Variants in PLPP1 observed in about 807,000 individuals in gnomAD.
PLPP1 encodes the protein lipid phosphate phosphohydrolase 1a.
In PLPP1, 24 loss-of-function variants were observed where a neutral mutation model predicts 31.2. That is an observed-to-expected ratio of 0.77 (90% CI 0.56 to 1.08). The LOEUF (loss-of-function observed/expected upper bound fraction) is 1.08, where lower values mean the gene tolerates loss of function less well. Ranked by LOEUF, PLPP1 falls within the 50% of genes least tolerant of loss-of-function variation. The pLI is 0.00. For missense variants in PLPP1, 319 were observed against 342.7 expected, an observed-to-expected ratio of 0.93 and a Z score of 0.55; for synonymous variants, 146 against 126.3, an observed-to-expected ratio of 1.16 and a Z score of -1.05.
intron 1 of PLPP1, among the ~76,000 whole-genome samples, chr5:55,489,344 T>C (rs1272753021): frequency 6.6e-5 from 10 of 152,196 alleles, no homozygotes. Context: ...TACTTAGTAC[T>C]TCATATAGTA....
At position 55,475,413 on chromosome 5, in the gene PLPP1, G is replaced by T; in HGVS notation, c.96C>A (p.Thr32=). 1 of 1,610,414 alleles carries T rather than the reference G, an allele frequency of 6.2e-7. No homozygotes were observed. The highest frequency in any genetic ancestry group is 8.5e-7 in the Non-Finnish European group (1 of 1,178,744). Residue 32 remains threonine (T), a synonymous_variant, in exon 2 of 6, where the codon ACC becomes ACA. Transcript: ENST00000307259. ...TACAGAATACTCCTCGTTGGAAGGGGGTATGCCTTGAAGTAAGAATTGCAA... is the reference window on the plus strand; with the variant it reads ...TACAGAATACTCCTCGTTGGAAGGGTGTATGCCTTGAAGTAAGAATTGCAA... ...LPFAILTSRH[T]PFQRGVFCND...
intron 1 of PLPP1, among the ~76,000 whole-genome samples, chr5:55,485,360 C>T (rs1021086194): frequency 1.4e-5 from 2 of 138,194 alleles, no homozygotes; most frequent in Non-Finnish European, 3.2e-5. Flanking sequence ...CTCAGGTTAA[C>T]GGACAACCAA....
At chr5:55,482,773 G>T (rs765975806) in intron 1 of PLPP1, among the ~76,000 whole-genome samples, 2 of 152,090 alleles carry the variant, frequency 1.3e-5, no homozygotes, top group Non-Finnish European at 2.9e-5. Flanking sequence ...TACTTATATA[G>T]TACTTTACAC....
chr5:55,508,880 A>G (rs1017177793), intron 1 of PLPP1: 9 of 154,192 alleles, frequency 5.8e-5, no homozygotes, highest in African/African-American at 2.2e-4. Context: ...AAACGTTCTA[A>G]ATAAAGTGGG....
chr5:55,474,248 C>G (rs1752489242), intron 2 of PLPP1, among the ~76,000 whole-genome samples: 1 of 150,788 alleles, frequency 6.6e-6, no homozygotes, highest in Non-Finnish European at 1.5e-5. Context: ...CTGCCTGCCT[C>G]GGCCTCCCAA....
intron 3 of PLPP1, among the ~76,000 whole-genome samples, chr5:55,463,215 T>C (rs1350985473): frequency 1.3e-5 from 2 of 151,746 alleles, no homozygotes; most frequent in Non-Finnish European, 2.9e-5. Context: ...GGGAGAGCAT[T>C]AGGACAAACA....
intron 4 of PLPP1, among the ~76,000 whole-genome samples, chr5:55,435,046 G>A (rs765959143): frequency 1.3e-5 from 2 of 152,058 alleles, no homozygotes; most frequent in Admixed American, 6.6e-5. Context: ...TCAACTCAAC[G>A]GTAGAAAACC....
At chr5:55,461,042 A>G (rs1193771891) in intron 3 of PLPP1, among the ~76,000 whole-genome samples, 1 of 152,050 alleles carries the variant, frequency 6.6e-6, no homozygotes, top group Non-Finnish European at 1.5e-5. Flanking sequence ...CAACAACAAC[A>G]AAAATTAGCT....
At chr5:55,448,557 C>T (rs1375294102) in intron 3 of PLPP1, among the ~76,000 whole-genome samples, 6 of 150,868 alleles carry the variant, frequency 4.0e-5, no homozygotes, top group African/African-American at 1.5e-4. Context: ...AAGCGATTCT[C>T]CTGCCTCAGC....
intron 3 of PLPP1, among the ~76,000 whole-genome samples, chr5:55,463,994 T>C (rs1052828258): frequency 2.0e-5 from 3 of 151,410 alleles, no homozygotes; most frequent in Admixed American, 2.0e-4. Flanking sequence ...AAAATGACAA[T>C]AGCTGAATGG....
At chr5:55,430,088 CATGCACCACCTAT>C (rs1045485393) in intron 4 of PLPP1, among the ~76,000 whole-genome samples, 1 of 152,142 alleles carries the variant, frequency 6.6e-6, no homozygotes, top group African/African-American at 2.4e-5. Context: ...CCACCACCCA[CATGCACCACCTAT>C]GGGCCTGGGG....
chr5:55,425,117 C>T lies in PLPP1; in HGVS notation c.*89G>A, dbSNP rs576680230. On this transcript the variant is annotated 3_prime_UTR_variant, in exon 6 of 6. Transcript: ENST00000307259. ...CAGCAGAAGTCTTTAAAGGCTTGTA[C>T]ACCAGGAAGAAAGATGCATCCTCTT... is the stretch of plus-strand genomic sequence containing the variant. The T allele has an allele frequency of 5.4e-6, 8 of 1,483,508 alleles. No individual in the cohort carries two copies. The African/African-American group carries it at 7.0e-5, about 13-fold the overall frequency. The allele number at this position is 1,483,508 out of a possible 1,614,324, so 91.9% of individuals were successfully genotyped here.
At chr5:55,515,247 G>A (rs189023112) in intron 1 of PLPP1, among the ~76,000 whole-genome samples, 2 of 152,070 alleles carry the variant, frequency 1.3e-5, no homozygotes, top group East Asian at 3.9e-4. Flanking sequence ...TTCTAAAAAT[G>A]ACATTTCTCC....
intron 1 of PLPP1, among the ~76,000 whole-genome samples, chr5:55,479,469 C>G (rs1236324881): frequency 6.6e-6 from 1 of 152,234 alleles, no homozygotes; most frequent in Non-Finnish European, 1.5e-5. Flanking sequence ...TCAAAAAGAA[C>G]AGCTCTTTCA....
At chr5:55,491,015 C>T in intron 1 of PLPP1, 1 of 1,613,646 alleles carries the variant, frequency 6.2e-7, no homozygotes, top group South Asian at 1.1e-5. Flanking sequence ...TGTGACGGTA[C>T]TGTCATGGTA....
intron 4 of PLPP1, among the ~76,000 whole-genome samples, chr5:55,437,848 GCAA>G (rs1751528639): frequency 6.6e-6 from 1 of 152,224 alleles, no homozygotes; most frequent in African/African-American, 2.4e-5. Context: ...CCAATGTTCA[GCAA>G]TAATCAAGTT....
chr5:55,528,752 ATG>A (rs1740558294), intron 1 of PLPP1, among the ~76,000 whole-genome samples: 1 of 152,194 alleles, frequency 6.6e-6, no homozygotes, highest in African/African-American at 2.4e-5. Flanking sequence ...TATACAATAT[ATG>A]TATATATTAG....
Position 55,449,680 on chromosome 5 carries a change from AAGGAAGTCAAATTACAACATG to A in PLPP1, c.492-7793_492-7773del, listed in dbSNP as rs764820773. Among the ~76,000 whole-genome samples the A allele has an allele frequency of 8.8e-4, 134 of 152,318 alleles. 1 individual carries two copies. The Middle Eastern group carries it at 0.017, about 19-fold the overall frequency. On this transcript the variant is annotated intron_variant, in intron 3 of 5. Transcript: ENST00000307259. ...AATATACAATATACATATAATTTAA[AAGGAAGTCAAATTACAACATG>A]AGGCATTTTCTTCAAATGTTTCTTC...
At chr5:55,523,558 G>T (rs1753719428) in intron 1 of PLPP1, among the ~76,000 whole-genome samples, 2 of 152,278 alleles carry the variant, frequency 1.3e-5, no homozygotes, top group Non-Finnish European at 2.9e-5. Context: ...AAGCTCCTAA[G>T]AGAGTTGTCG....
Sources: allele counts gnomAD v4.1 joint callset (sites outside exome capture counted in the v4.1 genomes callset), GRCh38; gene constraint gnomAD v4.1.1; transcripts MANE v1.5; gene names NCBI Gene and HGNC (gene_info 2026-07-23, HGNC 2026-07-21).